The following SLC24A4 variants were observed in gnomAD, a reference collection of about 807,000 sequenced individuals.
SLC24A4 encodes the protein solute carrier family 24 member 4, also known as sodium/potassium/calcium exchanger 4.
Under a neutral mutation model 79.0 loss-of-function variants are expected in SLC24A4, and 53 were observed. The observed-to-expected ratio is 0.67, with a 90% CI of 0.54 to 0.84. The LOEUF is 0.84. Ranked by LOEUF, SLC24A4 falls within the 40% of genes least tolerant of loss-of-function variation. The pLI is 0.00. For synonymous variants in SLC24A4, 323 were observed against 323.8 expected (o/e 1.00, Z 0.03); for missense variants, 731 against 822.0 (o/e 0.89, Z 1.35).
intron 2 of SLC24A4, among the ~76,000 whole-genome samples, chr14:92,420,839 G>A (rs111730880): frequency 2.0e-5 from 3 of 152,260 alleles, no homozygotes; most frequent in African/African-American, 7.2e-5. Context: ...CTGTCCCTGA[G>A]TAAATTGGTT....
In SLC24A4 at chr14:92,342,363, C is replaced by CATTAATTAATTAATTA. The variant is rs377654077; in HGVS notation, c.241+16388_241+16389insAATTAATTAATTAATT. ...GCTCCCAGATTCTTCTTTTTTTCCC[C>CATTAATTAATTAATTA]ATTTATTTATTTATTTATTTATTTA... On this transcript the variant is annotated intron_variant, in intron 2 of 16. Coordinates refer to ENST00000532405, the MANE Select transcript of SLC24A4 (RefSeq NM_153646.4). 3.9e-3 allele frequency among the ~76,000 whole-genome samples: 537 copies of CATTAATTAATTAATTA among 137,924 alleles called. 4 individuals are homozygous for CATTAATTAATTAATTA. Among genetic ancestry groups the CATTAATTAATTAATTA allele is most frequent in the African/African-American group, 0.013 (485 of 36,734 alleles). 90.5% of individuals were successfully genotyped at this position (137,924 alleles called of 152,430 possible). A position where few individuals can be genotyped will look rare whatever the true frequency, so the allele number is the denominator to read the frequency against.
chr14:92,395,466 C>CACAT (rs1555365406), intron 2 of SLC24A4, among the ~76,000 whole-genome samples: 145 of 151,138 alleles, frequency 9.6e-4, no homozygotes, highest in Admixed American at 3.6e-3. Context: ...CACACACACA[C>CACAT]GAAACTATCC....
rs548287309 is a variant in SLC24A4, at chr14:92,398,786, G to A, written c.242-35126G>A. 3.9e-5 allele frequency among the ~76,000 whole-genome samples: 6 copies of A among 152,290 alleles called. No homozygotes were observed. The highest frequency in any genetic ancestry group is 4.1e-4 in the South Asian group (2 of 4,824). ...ACCTCCTGCCCTCAGTGGAAACCCC[G>A]GAGAGATGGCTGCACTAGATGGAGT... On this transcript the variant is annotated intron_variant, in intron 2 of 16. Coordinates refer to ENST00000532405, the MANE Select transcript of SLC24A4 (RefSeq NM_153646.4). The surrounding 1 kb of genome is among the most constrained non-coding windows in gnomAD (Gnocchi z 4.1).
intron 2 of SLC24A4, among the ~76,000 whole-genome samples, chr14:92,411,198 A>T (rs1890688352): frequency 6.6e-6 from 1 of 152,150 alleles, no homozygotes; most frequent in South Asian, 2.1e-4. Flanking sequence ...CTCTGCCAGC[A>T]AGCCGCCCAT....
At position 92,323,314 on chromosome 14, in the gene SLC24A4, G is replaced by A. The variant is rs1296096873; in HGVS notation, c.-517G>A. The A allele has an allele frequency of 6.6e-6, 1 of 151,688 alleles. No homozygotes were observed. Among genetic ancestry groups the A allele is most frequent in the East Asian group, 2.0e-4 (1 of 5,122 alleles). The allele number at this position is 151,688 out of a possible 1,614,324, so 9.4% of individuals were successfully genotyped here. ...CCCGCGGCGCGCACTCGGCCGCCCG[G>A]GCTCGGCTCGTCGGGAAGCAGGGGA... On this transcript the variant is annotated 5_prime_UTR_variant, in exon 1 of 17. Transcript: ENST00000532405. This position sits in a 1 kb window ranked among gnomAD's most constrained non-coding sequence, Gnocchi z 4.9.
rs141430225 is a variant in SLC24A4, at chr14:92,340,549, G to A, written c.241+14571G>A. ...GGCCTTGCAGGGTTCAGGTCCTTGG[G>A]TGTGGTGGCTTCCGAGGCTGCATCA... On this transcript the variant is annotated intron_variant, in intron 2 of 16. Transcript: ENST00000532405. 2.1e-5 allele frequency among the ~76,000 whole-genome samples: 3 copies of A among 146,300 alleles called. No homozygotes were observed. In the East Asian group the frequency reaches 6.2e-4, roughly 30 times the overall value.
At chr14:92,436,193 A>C (rs1266755547) in intron 3 of SLC24A4, among the ~76,000 whole-genome samples, 1 of 152,230 alleles carries the variant, frequency 6.6e-6, no homozygotes, top group East Asian at 1.9e-4. Flanking sequence ...CAGGGAAGAG[A>C]GATCATGCAA....
chr14:92,466,395 G>A (rs1894119566), intron 12 of SLC24A4, among the ~76,000 whole-genome samples: 1 of 152,168 alleles, frequency 6.6e-6, no homozygotes, highest in Non-Finnish European at 1.5e-5. Flanking sequence ...AGAAAACTGA[G>A]ATACAGAGAG....
intron 12 of SLC24A4, among the ~76,000 whole-genome samples, chr14:92,461,500 C>T (rs1383716400): frequency 1.3e-5 from 2 of 152,188 alleles, no homozygotes; most frequent in Admixed American, 1.3e-4. Flanking sequence ...TGTCCCTCTT[C>T]CTGACTTGTA....
chr14:92,474,667 G>A (rs73324105), intron 12 of SLC24A4, among the ~76,000 whole-genome samples: 6 of 99,452 alleles, frequency 6.0e-5, no homozygotes, highest in Middle Eastern at 4.9e-3. Context: ...GTGTGTGTGT[G>A]TATATATATA....
At position 92,360,608 on chromosome 14, in the gene SLC24A4, A is replaced by G. The variant is rs572127847; in HGVS notation, c.241+34630A>G. ...ACATGTTGCCTGTATACATGCGTCCATTTGTGTTGGGTGATACCTAGAAAT... is the reference window on the plus strand; with the variant it reads ...ACATGTTGCCTGTATACATGCGTCCGTTTGTGTTGGGTGATACCTAGAAAT... On this transcript the variant is annotated intron_variant, in intron 2 of 16. Coordinates refer to ENST00000532405, the MANE Select transcript of SLC24A4 (RefSeq NM_153646.4). Among the ~76,000 whole-genome samples the G allele has an allele frequency of 8.5e-5, 13 of 152,298 alleles. No homozygotes were observed. In the East Asian group the frequency reaches 2.3e-3, roughly 27 times the overall value.
At chr14:92,439,486 AG>A (rs1363300138) in intron 4 of SLC24A4, 77 bp downstream of exon 4, 9 of 1,344,596 alleles carry the variant, frequency 6.7e-6, no homozygotes, top group Non-Finnish European at 9.6e-6. Context: ...CAAGAAGGCC[AG>A]GGCTGGCGTG....
intron 12 of SLC24A4, among the ~76,000 whole-genome samples, chr14:92,461,110 C>T (rs534009080): frequency 6.6e-6 from 1 of 152,320 alleles, no homozygotes; most frequent in East Asian, 1.9e-4. Context: ...GGGAAAGTCT[C>T]CTGGTGCAGC....
chr14:92,478,581 A>G (rs1381460714), intron 12 of SLC24A4, among the ~76,000 whole-genome samples: 2 of 151,444 alleles, frequency 1.3e-5, no homozygotes, highest in African/African-American at 2.4e-5. Flanking sequence ...TTCCAGTAGC[A>G]GTCTCTCCTG....
chr14:92,397,166 C>G (rs1034668729), intron 2 of SLC24A4, among the ~76,000 whole-genome samples: 1 of 152,176 alleles, frequency 6.6e-6, no homozygotes, highest in Non-Finnish European at 1.5e-5. Flanking sequence ...CTCAGTTGCT[C>G]TGACGTTGGA....
At chr14:92,390,614 C>T (rs979953740) in intron 2 of SLC24A4, among the ~76,000 whole-genome samples, 1 of 152,158 alleles carries the variant, frequency 6.6e-6, no homozygotes, top group African/African-American at 2.4e-5. Flanking sequence ...TGTACTCTGT[C>T]CCCTGCCCCA....
chr14:92,333,505 GA>G (rs1885598383), intron 2 of SLC24A4, among the ~76,000 whole-genome samples: 1 of 152,168 alleles, frequency 6.6e-6, no homozygotes, highest in Admixed American at 6.5e-5. Context: ...AGCGGGGCTT[GA>G]TTTCCCCTTG....
At chr14:92,324,081 A>T (rs1474472412) in intron 1 of SLC24A4, 121 bp downstream of exon 1, 2 of 1,337,726 alleles carry the variant, frequency 1.5e-6, no homozygotes, top group African/African-American at 3.0e-5. Context: ...GGGTTCATCC[A>T]GTCCCCTCCC....
chr14:92,457,291 T>G lies in SLC24A4; in HGVS notation c.1255+683T>G, dbSNP rs985995549. On this transcript the variant is annotated intron_variant, in intron 12 of 16. Coordinates refer to ENST00000532405, the MANE Select transcript of SLC24A4 (RefSeq NM_153646.4). ...CCTCACTGTCATTCCTAGAACACAC[T>G]GTCATTCCTAGAACTGCGCACCTGC... 8.6e-4 allele frequency: 8 copies of G among 9,310 alleles called. No homozygotes were observed. In the African/African-American group the frequency reaches 0.012, roughly 14 times the overall value. The allele number at this position is 9,310 out of a possible 1,614,324, so 0.6% of individuals were successfully genotyped here. A position where few individuals can be genotyped will look rare whatever the true frequency, so the allele number is the denominator to read the frequency against.
Sources: gnomAD v4.1 joint callset for allele counts (sites outside exome capture counted in the v4.1 genomes callset) on GRCh38, gnomAD v4.1.1 for gene constraint, Gnocchi (gnomAD v3.1) non-coding constraint, MANE v1.5 for transcripts, NCBI Gene and HGNC (gene_info 2026-07-23, HGNC 2026-07-21) for gene names.